MSI2: variants seen among roughly 807,000 people sequenced by gnomAD.
MSI2 encodes musashi RNA binding protein 2, also known as RNA-binding protein Musashi homolog 2.
A neutral mutation model predicts 45.6 loss-of-function variants in MSI2; 17 were observed. The ratio of observed to expected loss-of-function variants is 0.37; its 90% CI spans 0.26 to 0.56. The LOEUF is 0.56. MSI2 is among the 20% of genes least tolerant of loss of function. The pLI is 0.77. For synonymous variants in MSI2, 156 were observed against 158.2 expected (o/e 0.99, Z 0.11); for missense variants, 293 against 444.2 (o/e 0.66, Z 3.06).
At chr17:57,434,553 T>C (rs1334413632) in intron 6 of MSI2, among the ~76,000 whole-genome samples, 1 of 152,172 alleles carries the variant, frequency 6.6e-6, no homozygotes, top group East Asian at 1.9e-4. Context: ...ATCTCCCTCC[T>C]TCCCCATGCA....
chr17:57,608,789 G>A (rs961035140), intron 8 of MSI2, among the ~76,000 whole-genome samples: 10 of 152,222 alleles, frequency 6.6e-5, no homozygotes, highest in African/African-American at 2.2e-4. Flanking sequence ...GGCTTGTTTT[G>A]TGTTTATCTT....
At chr17:57,541,229 C>T (rs2087039294) in intron 7 of MSI2, among the ~76,000 whole-genome samples, 1 of 152,088 alleles carries the variant, frequency 6.6e-6, no homozygotes, top group Non-Finnish European at 1.5e-5. Context: ...CTGCAGGGCT[C>T]AGTCATTTCT....
intron 5 of MSI2, among the ~76,000 whole-genome samples, chr17:57,345,123 C>T (rs541744871): frequency 3.5e-4 from 53 of 152,226 alleles, no homozygotes; most frequent in African/African-American, 1.1e-3. Context: ...CTCTTGCATC[C>T]GACAACCACC....
intron 5 of MSI2, among the ~76,000 whole-genome samples, chr17:57,333,126 T>C (rs1442556246): frequency 6.6e-6 from 1 of 152,160 alleles, no homozygotes; most frequent in Non-Finnish European, 1.5e-5. Context: ...GAAAAGTTGC[T>C]AAACCTCTTT....
intron 13 of MSI2, among the ~76,000 whole-genome samples, chr17:57,677,378 A>G (rs1369981489): frequency 2.0e-5 from 3 of 152,132 alleles, no homozygotes; most frequent in African/African-American, 7.2e-5. Context: ...AGAGTGTGGG[A>G]AACTGGAAGG....
chr17:57,530,587 G>A (rs944032199), intron 7 of MSI2, among the ~76,000 whole-genome samples: 11 of 152,226 alleles, frequency 7.2e-5, no homozygotes, highest in African/African-American at 2.7e-4. Flanking sequence ...AATGAGCAGA[G>A]CTTCCTAAGG....
chr17:57,424,789 G>A (rs1038938784), intron 6 of MSI2, among the ~76,000 whole-genome samples: 5 of 152,074 alleles, frequency 3.3e-5, no homozygotes, highest in African/African-American at 1.2e-4. Flanking sequence ...ATGACTCTAG[G>A]GCAGGGGTCT....
intron 5 of MSI2, among the ~76,000 whole-genome samples, chr17:57,374,200 C>T (rs946073283): frequency 6.6e-6 from 1 of 152,206 alleles, no homozygotes; most frequent in East Asian, 1.9e-4. Context: ...AGGGTGGCAG[C>T]ACTACATTGT....
intron 5 of MSI2, among the ~76,000 whole-genome samples, chr17:57,395,187 A>G (rs2083867404): frequency 6.6e-6 from 1 of 152,164 alleles, no homozygotes; most frequent in African/African-American, 2.4e-5. Flanking sequence ...GACACCCGTT[A>G]CTGGATTTAG....
the MSI2 span, among the ~76,000 whole-genome samples, chr17:57,695,992 T>C: frequency 6.6e-6 from 1 of 152,324 alleles, no homozygotes; most frequent in African/African-American, 2.4e-5. Flanking sequence ...CCCACTCTTA[T>C]GACCTCATTA....
intron 5 of MSI2, among the ~76,000 whole-genome samples, chr17:57,371,454 C>A (rs2083419061): frequency 6.6e-6 from 1 of 150,854 alleles, no homozygotes; most frequent in Admixed American, 6.6e-5. Flanking sequence ...ATTTACCATT[C>A]AGAGATAACT....
intron 6 of MSI2, among the ~76,000 whole-genome samples, chr17:57,477,506 C>G (rs2085564760): frequency 6.6e-6 from 1 of 152,106 alleles, no homozygotes. Context: ...CTCCTCCTTC[C>G]CCACCTCCCG....
At position 57,681,623 on chromosome 17, in the gene MSI2, A is replaced by AT; in HGVS notation, c.*2114dup. 1.1e-5 allele frequency: 2 copies of AT among 185,564 alleles called. No homozygotes were observed. The highest frequency in any genetic ancestry group is 2.0e-4 in the South Asian group (1 of 5,088). The allele number at this position is 185,564 out of a possible 1,614,324, so 11.5% of individuals were successfully genotyped here. A position where few individuals can be genotyped will look rare whatever the true frequency, so the allele number is the denominator to read the frequency against. ...TCAATTCTAATGAAACAGCAACAAC[A>AT]TTTTTTTTAATTAAAAAAAAAATCA... On this transcript the variant is annotated 3_prime_UTR_variant, in exon 14 of 14. Coordinates refer to ENST00000284073, the MANE Select transcript of MSI2 (RefSeq NM_138962.4).
chr17:57,653,631 C>T (rs1016873452), intron 11 of MSI2, among the ~76,000 whole-genome samples: 11 of 152,168 alleles, frequency 7.2e-5, no homozygotes, highest in Admixed American at 7.2e-4. Flanking sequence ...TAAAAGAAAA[C>T]TCTTGAGATT....
intron 7 of MSI2, among the ~76,000 whole-genome samples, chr17:57,545,265 CAA>C: frequency 6.6e-6 from 1 of 152,214 alleles, no homozygotes; most frequent in South Asian, 2.1e-4. Context: ...ATTGAACAGA[CAA>C]AGATTCTTTG....
At chr17:57,365,680 G>A (rs1917135683) in intron 5 of MSI2, among the ~76,000 whole-genome samples, 1 of 152,184 alleles carries the variant, frequency 6.6e-6, no homozygotes, top group Non-Finnish European at 1.5e-5. Context: ...AGACCCAATA[G>A]AAGGCCATGT....
intron 6 of MSI2, among the ~76,000 whole-genome samples, chr17:57,462,881 A>G (rs1169442923): frequency 6.6e-6 from 1 of 152,222 alleles, no homozygotes; most frequent in African/African-American, 2.4e-5. Context: ...AGTCTCTGTC[A>G]TACACACAAG....
chr17:57,271,457 G>A (rs552166125), intron 5 of MSI2, among the ~76,000 whole-genome samples: 5 of 152,238 alleles, frequency 3.3e-5, no homozygotes, highest in Admixed American at 2.6e-4. Flanking sequence ...TGCTGTTTCT[G>A]TTTCAATTAT....
intron 5 of MSI2, among the ~76,000 whole-genome samples, chr17:57,307,811 C>A (rs1362236426): frequency 1.3e-5 from 2 of 152,214 alleles, no homozygotes; most frequent in Non-Finnish European, 2.9e-5. Context: ...TTCTCTCCCT[C>A]TTTCTCTCTC....
Sources: allele counts gnomAD v4.1 joint callset (sites outside exome capture counted in the v4.1 genomes callset), GRCh38; gene constraint gnomAD v4.1.1; transcripts MANE v1.5; gene names NCBI Gene and HGNC (gene_info 2026-07-23, HGNC 2026-07-21).